CADM2: variants seen among roughly 807,000 people sequenced by gnomAD.
CADM2 encodes immunoglobulin superfamily member 4D.
CADM2 carries 12 observed loss-of-function variants against 49.8 expected under a neutral mutation model. The ratio of observed to expected loss-of-function variants is 0.24; its 90% CI spans 0.15 to 0.39. The LOEUF is 0.39. CADM2 is among the 10% of genes least tolerant of loss of function. CADM2 has a pLI of 1.00. For synonymous variants in CADM2, 214 were observed against 175.4 expected (o/e 1.22, Z -1.74); for missense variants, 378 against 492.3 (o/e 0.77, Z 2.20).
rs1192476299 is a variant in CADM2 at position 85,764,705 on chromosome 3, A to G, written c.89-37342A>G. Reference sequence around the variant, plus strand: ...GGTCATTTCAAGAAAGGACTGTGGAAATAACCTTTGTTACTCCTAAAGAAA... The same window carrying G: ...GGTCATTTCAAGAAAGGACTGTGGAGATAACCTTTGTTACTCCTAAAGAAA... On this transcript the variant is annotated intron_variant, in intron 2 of 9. Transcript: ENST00000383699. 5.3e-5 allele frequency among the ~76,000 whole-genome samples: 8 copies of G among 152,076 alleles called. 1 individual carries two copies. The East Asian group carries it at 1.2e-3, about 22-fold the overall frequency.
At chr3:85,151,695 G>T (rs186812909) in intron 1 of CADM2, among the ~76,000 whole-genome samples, 1 of 152,136 alleles carries the variant, frequency 6.6e-6, no homozygotes, top group Non-Finnish European at 1.5e-5. Flanking sequence ...CCAGTGGGTG[G>T]TTTGTAAATA....
At chr3:85,939,309 G>A (rs573296289) in intron 7 of CADM2, among the ~76,000 whole-genome samples, 2 of 152,098 alleles carry the variant, frequency 1.3e-5, no homozygotes, top group East Asian at 3.9e-4. Context: ...TACTGTACAT[G>A]TCTGTCCATT....
At chr3:85,342,433 A>G (rs939462295) in intron 1 of CADM2, among the ~76,000 whole-genome samples, 2 of 152,122 alleles carry the variant, frequency 1.3e-5, no homozygotes, top group African/African-American at 4.8e-5. Flanking sequence ...TGATTTATAC[A>G]TAATTTCAAT....
intron 8 of CADM2, among the ~76,000 whole-genome samples, chr3:85,964,038 T>A (rs1444015695): frequency 6.6e-6 from 1 of 151,658 alleles, no homozygotes; most frequent in East Asian, 2.0e-4. Flanking sequence ...AAAATAAAGG[T>A]TTTTTCCCCT....
chr3:85,869,123 T>C (rs2075825537), intron 3 of CADM2, among the ~76,000 whole-genome samples: 1 of 152,200 alleles, frequency 6.6e-6, no homozygotes, highest in African/African-American at 2.4e-5. Context: ...ATTTACTTTT[T>C]ATTTAATTCA....
intron 1 of CADM2, among the ~76,000 whole-genome samples, chr3:85,143,888 G>A (rs920484668): frequency 1.3e-5 from 2 of 152,076 alleles, no homozygotes; most frequent in African/African-American, 4.8e-5. Context: ...TTCACTCAAA[G>A]AAAACCAAAG....
intron 1 of CADM2, among the ~76,000 whole-genome samples, chr3:84,998,351 A>G (rs373132993): frequency 1.1e-4 from 16 of 152,168 alleles, no homozygotes; most frequent in African/African-American, 3.9e-4. Context: ...GTTTTAATAT[A>G]GCAAATATGT....
intron 1 of CADM2, among the ~76,000 whole-genome samples, chr3:85,464,174 A>G (rs764587243): frequency 2.6e-5 from 4 of 152,152 alleles, no homozygotes; most frequent in Non-Finnish European, 4.4e-5. Context: ...AATGACCATG[A>G]CATGCAAAAT....
chr3:85,174,373 C>A (rs1241798831), intron 1 of CADM2, among the ~76,000 whole-genome samples: 2 of 151,982 alleles, frequency 1.3e-5, no homozygotes, highest in Admixed American at 6.6e-5. Flanking sequence ...TAGCGAAAAA[C>A]CCCCAGAAAA....
intron 5 of CADM2, among the ~76,000 whole-genome samples, chr3:85,901,729 C>T (rs1716145391): frequency 6.6e-6 from 1 of 152,126 alleles, no homozygotes; most frequent in Non-Finnish European, 1.5e-5. Flanking sequence ...CTATGAAACT[C>T]TCACCACAAT....
At chr3:85,111,510 G>A (rs930554480) in intron 1 of CADM2, among the ~76,000 whole-genome samples, 1 of 151,712 alleles carries the variant, frequency 6.6e-6, no homozygotes, top group Non-Finnish European at 1.5e-5. Flanking sequence ...AGTAAACGAG[G>A]CACAGAAAGA....
chr3:85,385,304 T>A (rs958413533), intron 1 of CADM2, among the ~76,000 whole-genome samples: 1 of 152,098 alleles, frequency 6.6e-6, no homozygotes, highest in African/African-American at 2.4e-5. Flanking sequence ...AACAATGATA[T>A]GCTGAATTTT....
At chr3:85,383,674 T>G (rs2034042773) in intron 1 of CADM2, among the ~76,000 whole-genome samples, 1 of 150,442 alleles carries the variant, frequency 6.6e-6, no homozygotes, top group Non-Finnish European at 1.5e-5. Flanking sequence ...TTTGAACATT[T>G]TTATATCATT....
chr3:84,989,580 C>T (rs1318925195), intron 1 of CADM2, among the ~76,000 whole-genome samples: 1 of 151,974 alleles, frequency 6.6e-6, no homozygotes, highest in African/African-American at 2.4e-5. Context: ...GCTTGCTTAG[C>T]TAATGCATAG....
intron 1 of CADM2, among the ~76,000 whole-genome samples, chr3:85,568,455 CTTTCTT>C (rs1268083556): frequency 7.6e-4 from 29 of 38,006 alleles, no homozygotes; most frequent in African/African-American, 2.8e-3. Context: ...TTCTTTCTTT[CTTTCTT>C]TCTCTTTCTC....
intron 8 of CADM2, among the ~76,000 whole-genome samples, chr3:85,996,748 T>G (rs1034488599): frequency 1.3e-5 from 2 of 152,164 alleles, no homozygotes; most frequent in African/African-American, 2.4e-5. Context: ...TTACTATACA[T>G]CCCCATTCCA....
intron 1 of CADM2, among the ~76,000 whole-genome samples, chr3:85,433,328 A>C (rs2107526637): frequency 6.6e-6 from 1 of 152,194 alleles, no homozygotes; most frequent in East Asian, 1.9e-4. Flanking sequence ...ATATTCATTT[A>C]TCTTTGTTAG....
intron 1 of CADM2, among the ~76,000 whole-genome samples, chr3:85,529,709 G>A (rs2061252400): frequency 6.6e-6 from 1 of 151,890 alleles, no homozygotes. Flanking sequence ...CTTGCTCTAT[G>A]CATTTACCTG....
At chr3:85,311,347 T>C (rs2044336875) in intron 1 of CADM2, among the ~76,000 whole-genome samples, 1 of 149,370 alleles carries the variant, frequency 6.7e-6, no homozygotes, top group South Asian at 2.1e-4. Context: ...AGCATCATTT[T>C]TATTTATTTA....
Sources: gnomAD v4.1 joint callset for allele counts (sites outside exome capture counted in the v4.1 genomes callset) on GRCh38, gnomAD v4.1.1 for gene constraint, MANE v1.5 for transcripts, NCBI Gene and HGNC (gene_info 2026-07-23, HGNC 2026-07-21) for gene names.